The following SLC12A2 variants were observed in gnomAD, a reference collection of about 807,000 sequenced individuals.
The protein encoded by SLC12A2 is solute carrier family 12 member 2.
Under a neutral mutation model 136.3 loss-of-function variants are expected in SLC12A2, and 67 were observed. The ratio of observed to expected loss-of-function variants is 0.49; its 90% CI spans 0.40 to 0.60. SLC12A2 has a LOEUF of 0.60. Among genes scored for constraint, SLC12A2 ranks in the 20% least tolerant of loss-of-function variants. The pLI is 0.00. For synonymous variants in SLC12A2, 619 were observed against 562.9 expected, an observed-to-expected ratio of 1.10 and a Z score of -1.41; for missense variants, 1,322 against 1,534.7, an observed-to-expected ratio of 0.86 and a Z score of 2.32.
chr5:128,178,508 A>G (rs1391772941), intron 21 of SLC12A2, 59 bp from the exon 22 acceptor site: 2 of 1,299,774 alleles, frequency 1.5e-6, no homozygotes, highest in Non-Finnish European at 1.0e-6. Flanking sequence ...ATAGGAATTC[A>G]GCAAAAGGGA....
intron 2 of SLC12A2, among the ~76,000 whole-genome samples, chr5:128,113,692 A>G (rs1404282924): frequency 6.6e-6 from 1 of 152,142 alleles, no homozygotes; most frequent in Non-Finnish European, 1.5e-5. Flanking sequence ...TCTATGTATG[A>G]ACATAGCAAA....
chr5:128,108,374 T>C (rs1362216701), intron 1 of SLC12A2, among the ~76,000 whole-genome samples: 1 of 152,158 alleles, frequency 6.6e-6, no homozygotes, highest in Non-Finnish European at 1.5e-5. Context: ...GGCAGCATTA[T>C]TCATAATAGC....
At chr5:128,184,729 G>T (rs772654282) in intron 25 of SLC12A2, 60 bp from the exon 26 acceptor site, 2 of 1,607,980 alleles carry the variant, frequency 1.2e-6, no homozygotes, top group South Asian at 2.2e-5. Context: ...ATAGTTTTAT[G>T]AACCATGCTA....
Position 128,114,593 on chromosome 5 carries a change from A to G in SLC12A2, c.960A>G (p.Ser320=). 6.2e-7 allele frequency: 1 copy of G among 1,603,758 alleles called. No homozygotes were observed. The highest frequency in any genetic ancestry group is 1.1e-5 in the South Asian group (1 of 90,822). ...CTTTCTTTCTTCGTAAAGGTCTATC[A>G]GTCCTTGTAATAATGATGGCCACTG... ...WIVGQAGIGL[S]VLVIMMATVV... The change falls in exon 4 of 27, where the codon TCA becomes TCG. Residue 320 remains serine, a synonymous_variant. Coordinates refer to ENST00000262461, the MANE Select transcript of SLC12A2 (RefSeq NM_001046.3).
At chr5:128,095,961 A>G (rs1760522427) in intron 1 of SLC12A2, among the ~76,000 whole-genome samples, 1 of 152,122 alleles carries the variant, frequency 6.6e-6, no homozygotes, top group Non-Finnish European at 1.5e-5. Context: ...GATATTGACA[A>G]GTACTATCTA....
intron 1 of SLC12A2, among the ~76,000 whole-genome samples, chr5:128,103,874 G>T (rs1298617459): frequency 6.6e-6 from 1 of 152,100 alleles, no homozygotes. Flanking sequence ...AGAGTTTGGG[G>T]TATTATAAAA....
intron 11 of SLC12A2, among the ~76,000 whole-genome samples, chr5:128,147,948 C>T (rs911261777): frequency 4.6e-5 from 7 of 151,308 alleles, no homozygotes; most frequent in Admixed American, 1.3e-4. Context: ...AAGGTATATT[C>T]TTTGAGTCTT....
chr5:128,089,437 C>A (rs1581046364), intron 1 of SLC12A2, among the ~76,000 whole-genome samples: 1 of 152,142 alleles, frequency 6.6e-6, no homozygotes, highest in African/African-American at 2.4e-5. Context: ...GACTTCACAT[C>A]CAGGTTTTTC....
intron 2 of SLC12A2, among the ~76,000 whole-genome samples, chr5:128,113,596 T>G (rs1761237113): frequency 6.6e-6 from 1 of 152,204 alleles, no homozygotes; most frequent in Admixed American, 6.5e-5. Flanking sequence ...GTTCTAGTAT[T>G]AATTTTATTG....
chr5:128,109,538 T>C, intron 1 of SLC12A2: 1 of 670,772 alleles, frequency 1.5e-6, no homozygotes, highest in Non-Finnish European at 2.8e-6. Context: ...GTTCCAGCAC[T>C]TGCTGGGTGG....
rs371791701 is a variant in SLC12A2 at position 128,180,226 on chromosome 5, T to C, written c.3101-657T>C. On this transcript the variant is annotated intron_variant, in intron 22 of 26. Coordinates refer to ENST00000262461, the MANE Select transcript of SLC12A2 (RefSeq NM_001046.3). ...ACCTCGTGATCCACCCACCTCGGCC[T>C]CCCAAAGTGCTGGGATTACAGGTGT... Among the ~76,000 whole-genome samples, 342 of 152,154 alleles carry C rather than the reference T, an allele frequency of 2.2e-3. 1 individual carries two copies. Among genetic ancestry groups the C allele is most frequent in the African/African-American group, 7.9e-3 (326 of 41,486 alleles).
chr5:128,101,030 A>G (rs1274800047), intron 1 of SLC12A2, among the ~76,000 whole-genome samples: 1 of 152,146 alleles, frequency 6.6e-6, no homozygotes, highest in Non-Finnish European at 1.5e-5. Flanking sequence ...ATCCACTTTT[A>G]TCTGTGGCAC....
Position 128,109,729 on chromosome 5 carries a change from T to C in SLC12A2, c.757-3085T>C, listed in dbSNP as rs554276292. 1.1e-4 allele frequency: 124 copies of C among 1,158,196 alleles called. No individual in the cohort carries two copies. The East Asian group carries it at 2.4e-3, about 22-fold the overall frequency. 71.7% of individuals were successfully genotyped at this position (1,158,196 alleles called of 1,614,324 possible). A position where few individuals can be genotyped will look rare whatever the true frequency, so the allele number is the denominator to read the frequency against. On this transcript the variant is annotated intron_variant, in intron 1 of 26. Coordinates refer to ENST00000262461, the MANE Select transcript of SLC12A2 (RefSeq NM_001046.3). ...TCCCAGCACCAGAGGAGCAATTCAC[T>C]AGAGTTGGAGTCCAGGTTTTAGACT...
At chr5:128,154,630 T>A (rs1463997324) in intron 15 of SLC12A2, among the ~76,000 whole-genome samples, 1 of 152,130 alleles carries the variant, frequency 6.6e-6, no homozygotes, top group African/African-American at 2.4e-5. Context: ...TCCCCTGTTA[T>A]CCACAGGGGT....
At position 128,141,987 on chromosome 5, in the gene SLC12A2, C is replaced by T. The variant is rs1762380891; in HGVS notation, c.1773+6C>T. 3.7e-6 allele frequency: 6 copies of T among 1,612,364 alleles called. No individual in the cohort carries two copies. The highest frequency in any genetic ancestry group is 1.7e-4 in the Middle Eastern group (1 of 6,054). On this transcript the variant is annotated splice_donor_region_variant and intron_variant, in intron 10 of 26. Transcript: ENST00000262461. ...GCCTAATGAACAACTTCCAGGTGAG[C>T]ATTGACTTTGTAATATACAGACATT... is the stretch of plus-strand genomic sequence containing the variant.
intron 4 of SLC12A2, among the ~76,000 whole-genome samples, chr5:128,117,191 C>T (rs1192482095): frequency 6.6e-6 from 1 of 152,146 alleles, no homozygotes; most frequent in African/African-American, 2.4e-5. Flanking sequence ...TGAGCTTAGA[C>T]ACCTTTTCAG....
intron 4 of SLC12A2, among the ~76,000 whole-genome samples, chr5:128,126,970 T>TATATAA (rs1761832390): frequency 1.1e-5 from 1 of 94,170 alleles, no homozygotes; most frequent in African/African-American, 6.6e-5. Flanking sequence ...ATATATATTT[T>TATATAA]TTTTTTTTTT....
At chr5:128,110,563 T>C (rs1761106623) in intron 1 of SLC12A2, 1 of 1,234,880 alleles carries the variant, frequency 8.1e-7, no homozygotes, top group African/African-American at 1.5e-5. Flanking sequence ...TTTTGATTTC[T>C]TCAAGCATAA....
chr5:128,157,808 A>G (rs536545626), intron 15 of SLC12A2, among the ~76,000 whole-genome samples: 2 of 152,260 alleles, frequency 1.3e-5, no homozygotes, highest in Admixed American at 1.3e-4. Context: ...TACCTACCAG[A>G]ATCTTGATGT....
Sources: allele counts gnomAD v4.1 joint callset (sites outside exome capture counted in the v4.1 genomes callset), GRCh38; gene constraint gnomAD v4.1.1; transcripts MANE v1.5; gene names NCBI Gene and HGNC (gene_info 2026-07-23, HGNC 2026-07-21).